Variants in SORCS3 observed in about 807,000 individuals in gnomAD.
The protein encoded by SORCS3 is sortilin related VPS10 domain containing receptor 3.
A neutral mutation model predicts 146.3 loss-of-function variants in SORCS3; 57 were observed. The ratio of observed to expected loss-of-function variants is 0.39; its 90% CI spans 0.31 to 0.49. SORCS3 has a LOEUF of 0.49. Ranked by LOEUF, SORCS3 falls within the 20% of genes least tolerant of loss-of-function variation. The pLI, the probability that SORCS3 is intolerant of heterozygous loss-of-function variation, is 0.92. For synonymous variants in SORCS3, 653 were observed against 618.5 expected, an observed-to-expected ratio of 1.06 and a Z score of -0.83; for missense variants, 1,341 against 1,575.5, an observed-to-expected ratio of 0.85 and a Z score of 2.52.
intron 1 of SORCS3, among the ~76,000 whole-genome samples, chr10:104,797,786 T>TC (rs1261511063): frequency 6.6e-6 from 1 of 152,098 alleles, no homozygotes; most frequent in Non-Finnish European, 1.5e-5. Flanking sequence ...TGAAATATTG[T>TC]CCCCCTCCCT....
chr10:104,831,758 C>T (rs2018003130), intron 1 of SORCS3, among the ~76,000 whole-genome samples: 1 of 152,188 alleles, frequency 6.6e-6, no homozygotes, highest in African/African-American at 2.4e-5. Context: ...AGTGTAGGTT[C>T]AAGCCTGCTG....
At chr10:105,064,785 G>A (rs970036812) in intron 5 of SORCS3, among the ~76,000 whole-genome samples, 2 of 148,712 alleles carry the variant, frequency 1.3e-5, no homozygotes, top group South Asian at 2.2e-4. Context: ...TTCTCTCCAG[G>A]CCCCCAGCCC....
intron 3 of SORCS3, among the ~76,000 whole-genome samples, chr10:104,955,537 A>T (rs11192250): frequency 2.6e-5 from 4 of 152,044 alleles, no homozygotes; most frequent in Admixed American, 6.6e-5. Context: ...TATACTTAGG[A>T]GTTAAATTTG....
chr10:104,856,498 A>G (rs977845872), intron 2 of SORCS3, among the ~76,000 whole-genome samples: 2 of 147,438 alleles, frequency 1.4e-5, no homozygotes, highest in Non-Finnish European at 3.0e-5. Flanking sequence ...TTATATTTAT[A>G]TTTATATATA....
chr10:104,816,507 T>A (rs1236751938), intron 1 of SORCS3, among the ~76,000 whole-genome samples: 1 of 152,204 alleles, frequency 6.6e-6, no homozygotes. Context: ...CTTTGCTAAT[T>A]ATTTTTCTTT....
chr10:104,647,257 T>C (rs898713259), intron 1 of SORCS3, among the ~76,000 whole-genome samples: 1 of 152,168 alleles, frequency 6.6e-6, no homozygotes, highest in Non-Finnish European at 1.5e-5. Flanking sequence ...ACTCCTGCAT[T>C]CTGGCCAGGG....
chr10:105,013,927 T>G (rs2055149122), intron 4 of SORCS3, among the ~76,000 whole-genome samples: 1 of 151,450 alleles, frequency 6.6e-6, no homozygotes, highest in Non-Finnish European at 1.5e-5. Context: ...TTAAGAGATA[T>G]CAGAAGTTAT....
chr10:105,092,759 A>T lies in SORCS3; in HGVS notation c.1093+2920A>T, dbSNP rs545485837. Among the ~76,000 whole-genome samples the T allele has an allele frequency of 8.5e-5, 13 of 152,282 alleles. No individual in the cohort carries two copies. The South Asian group carries it at 2.7e-3, about 32-fold the overall frequency. On this transcript the variant is annotated intron_variant, in intron 6 of 26. Coordinates refer to ENST00000369701, the MANE Select transcript of SORCS3 (RefSeq NM_014978.3). ...ACATAGCTAATTGGCGATAGGAAAA[A>T]ACAAACAAACAAACAAAAAAGCAAG...
chr10:105,136,427 T>A (rs891461952), intron 7 of SORCS3, among the ~76,000 whole-genome samples: 1 of 152,120 alleles, frequency 6.6e-6, no homozygotes, highest in Non-Finnish European at 1.5e-5. Flanking sequence ...TACTGTTGCA[T>A]TGAGGAGTAA....
chr10:104,732,172 T>G (rs1019460548), intron 1 of SORCS3, among the ~76,000 whole-genome samples: 3 of 152,210 alleles, frequency 2.0e-5, no homozygotes, highest in Non-Finnish European at 4.4e-5. Flanking sequence ...TGGCCCTCAG[T>G]TAAGTCCATC....
intron 16 of SORCS3, among the ~76,000 whole-genome samples, chr10:105,210,162 T>C (rs1383657366): frequency 6.6e-6 from 1 of 152,136 alleles, no homozygotes; most frequent in East Asian, 1.9e-4. Context: ...TTCCACAAAA[T>C]CTTGGCTCAA....
Position 104,641,498 on chromosome 10 carries a change from T to C in SORCS3, c.171T>C (p.Ser57=). ...CGGCTTCGCGGCCACCGGCGTTGTC[T>C]CCACTCTCGCCGCGGGCAGTGGCCA... ...AAPASRPPAL[S]PLSPRAVASQ... Residue 57 remains serine, a synonymous_variant, in exon 1 of 27, where the codon TCT becomes TCC. Coordinates refer to ENST00000369701, the MANE Select transcript of SORCS3 (RefSeq NM_014978.3). The surrounding 1 kb of genome is among the most constrained non-coding windows in gnomAD (Gnocchi z 6.4). 6.8e-7 allele frequency: 1 copy of C among 1,474,390 alleles called. No homozygotes were observed. Among genetic ancestry groups the C allele is most frequent in the African/African-American group, 1.5e-5 (1 of 68,132 alleles). The allele number at this position is 1,474,390 out of a possible 1,614,324, so 91.3% of individuals were successfully genotyped here.
intron 2 of SORCS3, among the ~76,000 whole-genome samples, chr10:104,889,085 A>G (rs2018722224): frequency 6.6e-6 from 1 of 151,716 alleles, no homozygotes; most frequent in African/African-American, 2.4e-5. Context: ...TCTGAAATCT[A>G]CTTTTCTTGG....
intron 5 of SORCS3, among the ~76,000 whole-genome samples, chr10:105,081,647 T>C (rs2055627194): frequency 6.6e-6 from 1 of 152,222 alleles, no homozygotes; most frequent in African/African-American, 2.4e-5. Flanking sequence ...TGACCTTTTC[T>C]GGCACTTCTG....
At chr10:104,851,053 A>G (rs910437387) in intron 2 of SORCS3, among the ~76,000 whole-genome samples, 4 of 152,224 alleles carry the variant, frequency 2.6e-5, no homozygotes, top group African/African-American at 9.6e-5. Flanking sequence ...AGCATCATGC[A>G]ATCTATGAAA....
At chr10:105,041,804 G>A (rs1395601669) in intron 4 of SORCS3, among the ~76,000 whole-genome samples, 1 of 152,108 alleles carries the variant, frequency 6.6e-6, no homozygotes, top group Non-Finnish European at 1.5e-5. Context: ...TGTGATCACA[G>A]GAATATACTT....
At chr10:104,784,289 TG>T (rs1473696192) in intron 1 of SORCS3, among the ~76,000 whole-genome samples, 1 of 152,024 alleles carries the variant, frequency 6.6e-6, no homozygotes, top group Non-Finnish European at 1.5e-5. Context: ...GGTGGGAGGG[TG>T]CTCCTGGTAT....
In SORCS3 at chr10:104,704,169, C is replaced by T. The variant is rs1017186235; in HGVS notation, c.627+62215C>T. Among the ~76,000 whole-genome samples the T allele has an allele frequency of 2.7e-3, 376 of 137,756 alleles. 1 individual carries two copies. The highest frequency in any genetic ancestry group is 9.5e-3 in the African/African-American group (353 of 37,276). 90.4% of individuals were successfully genotyped at this position (137,756 alleles called of 152,430 possible). ...AGCTCATCCAAGTTTCCTTCTATGA[C>T]TTTTTTTTTTTTTTTTTAGACAGGG... On this transcript the variant is annotated intron_variant, in intron 1 of 26. Transcript: ENST00000369701.
rs144793546 is a variant in SORCS3 at position 105,255,761 on chromosome 10, G to C, written c.3297G>C (p.Pro1099=). The part of the protein sequence containing the change: ...NQNLVQFELK[P]GVQVIVYVTQ... ...ATTTGGTCCAGTTTGAGCTGAAGCC[G>C]GGGGTACAAGTCATTGTGTATGTCA... The change falls in exon 24 of 27, where the codon CCG becomes CCC. Residue 1099 remains proline, a synonymous_variant. Coordinates refer to ENST00000369701, the MANE Select transcript of SORCS3 (RefSeq NM_014978.3). 1 of 1,613,548 alleles carries C rather than the reference G, an allele frequency of 6.2e-7. No individual in the cohort carries two copies. The highest frequency in any genetic ancestry group is 1.3e-5 in the African/African-American group (1 of 74,908).
Sources: allele counts gnomAD v4.1 joint callset (sites outside exome capture counted in the v4.1 genomes callset), GRCh38; gene constraint gnomAD v4.1.1; non-coding constraint Gnocchi (gnomAD v3.1); transcripts MANE v1.5; gene names NCBI Gene and HGNC (gene_info 2026-07-23, HGNC 2026-07-21).